ESRRG: variants seen among roughly 807,000 people sequenced by gnomAD.
ESRRG encodes estrogen related receptor gamma.
A neutral mutation model predicts 44.0 loss-of-function variants in ESRRG; 13 were observed. The observed-to-expected ratio is 0.30, with a 90% CI of 0.19 to 0.47. The LOEUF (loss-of-function observed/expected upper bound fraction) is 0.47. Among genes scored for constraint, ESRRG ranks in the 20% least tolerant of loss-of-function variants. The probability of loss-of-function intolerance (pLI) is 1.00; values close to 1 mark genes in which losing one functional copy is unlikely to be tolerated. For synonymous variants in ESRRG, 215 were observed against 214.6 expected (o/e 1.00, Z -0.02); for missense variants, 395 against 580.6 (o/e 0.68, Z 3.29).
At chr1:217,105,839 G>C (rs1041539454) in intron 1 of ESRRG, among the ~76,000 whole-genome samples, 27 of 152,270 alleles carry the variant, frequency 1.8e-4, no homozygotes, top group African/African-American at 6.3e-4. Context: ...TTGGCTATGT[G>C]ACCTTGGAGT....
rs367873893 is a variant in ESRRG at position 216,771,816 on chromosome 1, G to T, written c.-13-94325C>A. Among the ~76,000 whole-genome samples, 986 of 128,098 alleles carry T rather than the reference G, an allele frequency of 7.7e-3. 5 individuals carry two copies. The highest frequency in any genetic ancestry group is 0.011 in the Non-Finnish European group (707 of 61,802). 84.0% of individuals were successfully genotyped at this position (128,098 alleles called of 152,430 possible). ...GTATTTTTATTTTTAAGTTTGTGGT[G>T]TTTTTTTTTTTTTTTTTTGAAAGAC... is the stretch of plus-strand genomic sequence containing the variant. On this transcript the variant is annotated intron_variant, in intron 2 of 7. Coordinates refer to the ESRRG transcript ENST00000359162.
In ESRRG at chr1:216,925,723, G is replaced by A. The variant is rs372414203; in HGVS notation, c.-14+13859C>T. Among the ~76,000 whole-genome samples the A allele has an allele frequency of 3.3e-3, 500 of 152,096 alleles. 2 individuals carry two copies. Among genetic ancestry groups the A allele is most frequent in the African/African-American group, 0.011 (455 of 41,482 alleles). On this transcript the variant is annotated intron_variant, in intron 2 of 7. Transcript: ENST00000359162. The stretch of plus-strand genomic sequence containing the variant: ...TCCAGCACTTTGGGAGGCCGAGGAG[G>A]AAGGATCGCCTGAGGTCAGGAGTTT...
At chr1:216,931,680 C>T (rs2063357473) in intron 2 of ESRRG, among the ~76,000 whole-genome samples, 1 of 152,104 alleles carries the variant, frequency 6.6e-6, no homozygotes, top group Non-Finnish European at 1.5e-5. Flanking sequence ...AAGCAGAAAT[C>T]CCTGTGCTCT....
chr1:216,576,649 T>C lies in ESRRG; in HGVS notation c.590-8551A>G, dbSNP rs145141899. ...AATGTGATTGACTGCTCTTAGCTGG[T>C]TCTGGGGATCATGTGCTAAATTTAT... is the stretch of plus-strand genomic sequence containing the variant. On this transcript the variant is annotated intron_variant, in intron 3 of 6. Transcript: ENST00000408911. Among the ~76,000 whole-genome samples, 12 of 152,172 alleles carry C rather than the reference T, an allele frequency of 7.9e-5. No homozygotes were observed. In the East Asian group the frequency reaches 2.3e-3, roughly 29 times the overall value.
chr1:217,048,420 T>C (rs2085292856), intron 1 of ESRRG, among the ~76,000 whole-genome samples: 2 of 152,074 alleles, frequency 1.3e-5, no homozygotes, highest in Non-Finnish European at 2.9e-5. Context: ...CTAGCTGAAA[T>C]AGAACAGACA....
intron 2 of ESRRG, among the ~76,000 whole-genome samples, chr1:216,730,305 TAAAAAAAA>T: frequency 8.2e-6 from 1 of 121,444 alleles, no homozygotes; most frequent in South Asian, 2.7e-4. Context: ...CTTAGAAAGG[TAAAAAAAA>T]AAAAAAAAAG....
At chr1:216,568,166 A>G (rs2060020990) in intron 3 of ESRRG, 68 bp from the exon 4 acceptor site, 3 of 1,065,096 alleles carry the variant, frequency 2.8e-6, no homozygotes, top group Non-Finnish European at 2.9e-6. Context: ...AAATACCTAG[A>G]TGGTATCCCC....
intron 1 of ESRRG, among the ~76,000 whole-genome samples, chr1:216,973,678 T>C (rs995209830): frequency 1.3e-5 from 2 of 151,892 alleles, no homozygotes; most frequent in Non-Finnish European, 2.9e-5. Flanking sequence ...AATACAAAAT[T>C]AGCTGGGTGT....
At chr1:216,762,352 A>G (rs964082753) in intron 2 of ESRRG, among the ~76,000 whole-genome samples, 4 of 152,118 alleles carry the variant, frequency 2.6e-5, no homozygotes, top group Admixed American at 2.0e-4. Flanking sequence ...TGGCGCATAT[A>G]CACTATGGAA....
chr1:216,609,685 ATAAC>A (rs11572734), intron 3 of ESRRG, among the ~76,000 whole-genome samples: 1,810 of 152,360 alleles, frequency 0.012, 33 homozygotes, highest in African/African-American at 0.041. Context: ...AACTTTAGAA[ATAAC>A]TAGTCTATTT....
chr1:217,067,145 C>T (rs184324218), intron 1 of ESRRG, among the ~76,000 whole-genome samples: 2 of 152,294 alleles, frequency 1.3e-5, no homozygotes, highest in African/African-American at 4.8e-5. Flanking sequence ...TATACTATAG[C>T]CTTAAAAGCT....
chr1:216,713,799 T>C (rs556324561), intron 1 of ESRRG, among the ~76,000 whole-genome samples: 12 of 152,224 alleles, frequency 7.9e-5, no homozygotes, highest in Non-Finnish European at 1.5e-4. Flanking sequence ...AAACATTTAC[T>C]TTTGCTAATG....
At chr1:216,625,437 A>AAAAAAAAT (rs1406876150) in intron 3 of ESRRG, among the ~76,000 whole-genome samples, 27 of 151,806 alleles carry the variant, frequency 1.8e-4, no homozygotes, top group Non-Finnish European at 3.4e-4. Context: ...AAAAAAAAAA[A>AAAAAAAAT]AAATCTATAT....
At chr1:216,888,544 G>T (rs988975971) in intron 2 of ESRRG, among the ~76,000 whole-genome samples, 2 of 152,088 alleles carry the variant, frequency 1.3e-5, no homozygotes, top group Non-Finnish European at 2.9e-5. Flanking sequence ...TGTCCAGCAA[G>T]ATAAATTTAC....
intron 2 of ESRRG, among the ~76,000 whole-genome samples, chr1:216,743,204 C>T (rs1205729439): frequency 6.6e-6 from 1 of 152,054 alleles, no homozygotes; most frequent in Non-Finnish European, 1.5e-5. Flanking sequence ...CAATAGCATA[C>T]AATGGAAATG....
At chr1:216,989,803 G>A (rs1031167964) in intron 1 of ESRRG, among the ~76,000 whole-genome samples, 3 of 152,030 alleles carry the variant, frequency 2.0e-5, no homozygotes, top group African/African-American at 7.3e-5. Context: ...GTATTTACAA[G>A]GCACTTTCCA....
At chr1:216,724,356 G>A (rs866322678), upstream of ESRRG, among the ~76,000 whole-genome samples, 44 of 121,296 alleles carry the variant, frequency 3.6e-4, no homozygotes, top group South Asian at 9.9e-3. Context: ...ACAAAATAAA[G>A]ACAGCATTTT....
chr1:216,949,742 T>C (rs926601221), intron 1 of ESRRG, among the ~76,000 whole-genome samples: 2 of 152,152 alleles, frequency 1.3e-5, no homozygotes, highest in African/African-American at 4.8e-5. Context: ...GAACCAAAAA[T>C]GTGTTTCATC....
intron 2 of ESRRG, among the ~76,000 whole-genome samples, chr1:216,768,634 C>T (rs2093229029): frequency 6.6e-6 from 1 of 152,096 alleles, no homozygotes; most frequent in Non-Finnish European, 1.5e-5. Flanking sequence ...GGACTACTGG[C>T]ATGCGCCACC....
Sources: allele counts gnomAD v4.1 joint callset (sites outside exome capture counted in the v4.1 genomes callset), GRCh38; gene constraint gnomAD v4.1.1; transcripts MANE v1.5; gene names NCBI Gene and HGNC (gene_info 2026-07-23, HGNC 2026-07-21).